The following PTPRO variants were observed in gnomAD, a reference collection of about 807,000 sequenced individuals.
PTPRO encodes the protein receptor-type tyrosine-protein phosphatase O.
In PTPRO, 62 loss-of-function variants were observed where a neutral mutation model predicts 145.2. That is an observed-to-expected ratio of 0.43 (90% CI 0.35 to 0.53). The LOEUF (loss-of-function observed/expected upper bound fraction) is 0.53. PTPRO is among the 20% of genes least tolerant of loss of function. The probability of loss-of-function intolerance (pLI) is 0.01; values close to 1 mark genes in which losing one functional copy is unlikely to be tolerated. For missense variants in PTPRO, 1,345 were observed against 1,482.7 expected (o/e 0.91, Z 1.53); for synonymous variants, 565 against 514.7 (o/e 1.10, Z -1.32).
intron 1 of PTPRO, among the ~76,000 whole-genome samples, chr12:15,351,123 G>A (rs1298958261): frequency 6.6e-6 from 1 of 152,056 alleles, no homozygotes; most frequent in Non-Finnish European, 1.5e-5. Context: ...TCAAAAACTT[G>A]ACAAAATAGT....
chr12:15,336,502 A>G (rs1444642794), intron 1 of PTPRO, among the ~76,000 whole-genome samples: 1 of 152,250 alleles, frequency 6.6e-6, no homozygotes, highest in Admixed American at 6.5e-5. Flanking sequence ...CCATTAGTGT[A>G]ACTACTGAAG....
At chr12:15,592,498 G>A (rs1171352104) in intron 25 of PTPRO, among the ~76,000 whole-genome samples, 1 of 152,086 alleles carries the variant, frequency 6.6e-6, no homozygotes, top group Non-Finnish European at 1.5e-5. Flanking sequence ...TAGCTGATAG[G>A]ATGAGCCATG....
At chr12:15,353,193 CACCCACCT>C (rs1316348363) in intron 1 of PTPRO, among the ~76,000 whole-genome samples, 1 of 152,154 alleles carries the variant, frequency 6.6e-6, no homozygotes, top group African/African-American at 2.4e-5. Context: ...AAAACACATA[CACCCACCT>C]ACCCACTCAT....
rs1944437698 is a variant in PTPRO at position 15,586,768 on chromosome 12, G to T, written c.3256-129G>T. On this transcript the variant is annotated intron_variant, in intron 23 of 26. Transcript: ENST00000281171. Reference sequence around the variant, plus strand: ...ATGCCAGATATGGTGCTCAAAGCTGGAAAGGAAAGTGTACTGACCAGGAGT... The same window carrying T: ...ATGCCAGATATGGTGCTCAAAGCTGTAAAGGAAAGTGTACTGACCAGGAGT... The T allele has an allele frequency of 3.0e-6, 3 of 999,406 alleles. No homozygotes were observed. The East Asian group carries it at 7.4e-5, about 25-fold the overall frequency. 61.9% of individuals were successfully genotyped at this position (999,406 alleles called of 1,614,324 possible).
chr12:15,482,179 ATG>A (rs535240403), intron 1 of PTPRO, among the ~76,000 whole-genome samples: 5,676 of 150,750 alleles, frequency 0.038, 340 homozygotes, highest in East Asian at 0.14. Context: ...ATATATATAT[ATG>A]TGTGTGTGTG....
intron 1 of PTPRO, among the ~76,000 whole-genome samples, chr12:15,333,483 GT>G (rs1866668710): frequency 6.6e-6 from 1 of 152,214 alleles, no homozygotes; most frequent in Admixed American, 6.5e-5. Flanking sequence ...GTGAACATTT[GT>G]TGAACGAGTG....
chr12:15,468,537 C>T (rs1203065246), intron 1 of PTPRO, among the ~76,000 whole-genome samples: 3 of 152,324 alleles, frequency 2.0e-5, no homozygotes, highest in African/African-American at 7.2e-5. Flanking sequence ...CTCTTACCAG[C>T]CCATAGGTCT....
chr12:15,380,885 A>T (rs1267233457), intron 1 of PTPRO, among the ~76,000 whole-genome samples: 1 of 152,182 alleles, frequency 6.6e-6, no homozygotes, highest in Admixed American at 6.6e-5. Flanking sequence ...ATTCAATAAT[A>T]TTTGATAGGA....
At chr12:15,515,969 TTGTC>T (rs1942568823) in intron 8 of PTPRO, among the ~76,000 whole-genome samples, 1 of 149,664 alleles carries the variant, frequency 6.7e-6, no homozygotes, top group Middle Eastern at 3.2e-3. Context: ...TTTGTTTTGT[TTGTC>T]TGGTTTTTTT....
chr12:15,395,703 C>T (rs978459975), intron 1 of PTPRO, among the ~76,000 whole-genome samples: 1 of 151,940 alleles, frequency 6.6e-6, no homozygotes, highest in African/African-American at 2.4e-5. Flanking sequence ...AATTACCTGG[C>T]CTAAATTGAA....
At chr12:15,361,438 C>CAAAAAAAAAAA (rs71042244) in intron 1 of PTPRO, among the ~76,000 whole-genome samples, 5 of 71,246 alleles carry the variant, frequency 7.0e-5, no homozygotes, top group Non-Finnish European at 1.1e-4. Context: ...GACTCAGTCT[C>CAAAAAAAAAAA]AAAAAAAAAA....
At chr12:15,419,911 G>T (rs1940089442) in intron 1 of PTPRO, among the ~76,000 whole-genome samples, 1 of 149,906 alleles carries the variant, frequency 6.7e-6, no homozygotes, top group South Asian at 2.1e-4. Context: ...ACTTTGGGAG[G>T]CTGAGGTGGG....
intron 1 of PTPRO, among the ~76,000 whole-genome samples, chr12:15,402,101 A>G (rs945199902): frequency 6.6e-6 from 1 of 152,178 alleles, no homozygotes; most frequent in Admixed American, 6.5e-5. Context: ...AAGAAAACCC[A>G]ATAGGAAGCC....
At chr12:15,382,951 T>C (rs1455606166) in intron 1 of PTPRO, among the ~76,000 whole-genome samples, 1 of 152,238 alleles carries the variant, frequency 6.6e-6, no homozygotes, top group Non-Finnish European at 1.5e-5. Flanking sequence ...CACACACTTA[T>C]CATTTCTTTG....
At chr12:15,341,229 T>C (rs1158624912) in intron 1 of PTPRO, among the ~76,000 whole-genome samples, 1 of 152,214 alleles carries the variant, frequency 6.6e-6, no homozygotes. Flanking sequence ...CAAGGATATG[T>C]TATTTTTCCT....
intron 1 of PTPRO, among the ~76,000 whole-genome samples, chr12:15,345,188 T>C (rs542050421): frequency 1.1e-4 from 16 of 152,360 alleles, no homozygotes; most frequent in Admixed American, 1.0e-3. Flanking sequence ...CTGTGGTTCA[T>C]GTCTTCCTGA....
chr12:15,510,687 A>G (rs564944222), intron 7 of PTPRO, among the ~76,000 whole-genome samples: 18 of 152,342 alleles, frequency 1.2e-4, no homozygotes, highest in Admixed American at 5.2e-4. Flanking sequence ...CCACCATGCT[A>G]GGCATCATCT....
chr12:15,428,447 T>C (rs879528052), intron 1 of PTPRO, among the ~76,000 whole-genome samples: 2 of 152,104 alleles, frequency 1.3e-5, no homozygotes, highest in African/African-American at 2.4e-5. Flanking sequence ...GTGGTCAAAA[T>C]TGAAAGTATA....
At chr12:15,428,513 C>T (rs1940345028) in intron 1 of PTPRO, among the ~76,000 whole-genome samples, 1 of 151,658 alleles carries the variant, frequency 6.6e-6, no homozygotes, top group African/African-American at 2.4e-5. Context: ...ATAAGAGTAC[C>T]CCAAAGTACT....
Sources: allele counts gnomAD v4.1 joint callset (sites outside exome capture counted in the v4.1 genomes callset), GRCh38; gene constraint gnomAD v4.1.1; transcripts MANE v1.5; gene names NCBI Gene and HGNC (gene_info 2026-07-23, HGNC 2026-07-21).